SNTG1: variants seen among roughly 807,000 people sequenced by gnomAD.
The protein encoded by SNTG1 is syntrophin gamma 1.
In SNTG1, 39 loss-of-function variants were observed where a neutral mutation model predicts 74.7. The observed-to-expected ratio is 0.52, with a 90% CI of 0.40 to 0.68. The LOEUF is 0.68. Ranked by LOEUF, SNTG1 falls within the 30% of genes least tolerant of loss-of-function variation. The pLI is 0.00. For synonymous variants in SNTG1, 254 were observed against 217.1 expected (o/e 1.17, Z -1.49); for missense variants, 685 against 609.5 (o/e 1.12, Z -1.30).
chr8:50,424,447 T>C (rs1366032298), intron 4 of SNTG1, among the ~76,000 whole-genome samples: 2 of 152,216 alleles, frequency 1.3e-5, no homozygotes, highest in Non-Finnish European at 2.9e-5. Context: ...ATCATTTTTA[T>C]ACCATGCATG....
chr8:50,343,208 C>A (rs182942904), intron 2 of SNTG1, among the ~76,000 whole-genome samples: 1 of 152,128 alleles, frequency 6.6e-6, no homozygotes, highest in Non-Finnish European at 1.5e-5. Flanking sequence ...AGCTTTCAAA[C>A]CCACACTAAA....
intron 17 of SNTG1, among the ~76,000 whole-genome samples, chr8:50,718,792 G>T (rs1397527321): frequency 1.3e-5 from 2 of 152,158 alleles, no homozygotes; most frequent in Non-Finnish European, 2.9e-5. Context: ...TAAATGTGAA[G>T]AATAGTGTGG....
chr8:50,743,541 T>C (rs1271148456), intron 17 of SNTG1, among the ~76,000 whole-genome samples: 1 of 151,522 alleles, frequency 6.6e-6, no homozygotes, highest in Non-Finnish European at 1.5e-5. Context: ...TTATATCCAA[T>C]GCTGAAAGAC....
chr8:50,482,594 C>T (rs1029587382), intron 8 of SNTG1, among the ~76,000 whole-genome samples: 3 of 152,126 alleles, frequency 2.0e-5, no homozygotes, highest in Non-Finnish European at 4.4e-5. Flanking sequence ...AAATAGCCTA[C>T]AGATTATAAA....
chr8:50,627,061 G>A (rs1031542200), intron 13 of SNTG1, among the ~76,000 whole-genome samples: 1 of 151,948 alleles, frequency 6.6e-6, no homozygotes, highest in East Asian at 1.9e-4. Flanking sequence ...ATTTTAAAGT[G>A]GCTTTCTTAG....
At chr8:50,332,941 C>A (rs946436152) in intron 2 of SNTG1, among the ~76,000 whole-genome samples, 1 of 152,172 alleles carries the variant, frequency 6.6e-6, no homozygotes, top group Non-Finnish European at 1.5e-5. Flanking sequence ...ACGTTTATTT[C>A]TTCTTTGTTC....
chr8:50,180,970 G>C (rs777533730), intron 2 of SNTG1, among the ~76,000 whole-genome samples: 1 of 151,880 alleles, frequency 6.6e-6, no homozygotes, highest in Non-Finnish European at 1.5e-5. Context: ...CACCATGTTG[G>C]CCAGTCTGGT....
intron 11 of SNTG1, among the ~76,000 whole-genome samples, chr8:50,542,456 C>T (rs2094355623): frequency 6.6e-6 from 1 of 152,042 alleles, no homozygotes; most frequent in East Asian, 1.9e-4. Flanking sequence ...CGCACCTGGC[C>T]AAATGTATAC....
intron 1 of SNTG1, among the ~76,000 whole-genome samples, chr8:49,945,297 C>T (rs953200240): frequency 2.0e-5 from 3 of 152,128 alleles, no homozygotes; most frequent in Non-Finnish European, 2.9e-5. Flanking sequence ...TACAGGATTG[C>T]CCTCCTTGCA....
intron 1 of SNTG1, among the ~76,000 whole-genome samples, chr8:50,143,847 TTGGAA>T (rs1182435913): frequency 6.6e-6 from 1 of 152,190 alleles, no homozygotes; most frequent in Non-Finnish European, 1.5e-5. Context: ...AGGTCAAAAC[TTGGAA>T]TACAGCTACA....
At chr8:50,547,064 T>C (rs569252921) in intron 11 of SNTG1, among the ~76,000 whole-genome samples, 9 of 152,268 alleles carry the variant, frequency 5.9e-5, no homozygotes, top group Non-Finnish European at 1.3e-4. Context: ...ATTACAGGCA[T>C]GAGCCACCAT....
At chr8:50,137,695 A>G (rs759534523) in intron 1 of SNTG1, among the ~76,000 whole-genome samples, 1 of 152,172 alleles carries the variant, frequency 6.6e-6, no homozygotes, top group Non-Finnish European at 1.5e-5. Flanking sequence ...AGGAAGTGAC[A>G]TGGAGTAAAC....
intron 1 of SNTG1, among the ~76,000 whole-genome samples, chr8:49,958,074 G>T (rs1439522707): frequency 6.6e-6 from 1 of 152,190 alleles, no homozygotes; most frequent in African/African-American, 2.4e-5. Context: ...TAACTCTTCA[G>T]TGTTGGTAAG....
chr8:50,630,025 T>A (rs1334243950), intron 13 of SNTG1, among the ~76,000 whole-genome samples: 1 of 152,220 alleles, frequency 6.6e-6, no homozygotes, highest in African/African-American at 2.4e-5. Flanking sequence ...ATTTTTAACA[T>A]CTGGATAGTT....
At chr8:50,014,372 C>T (rs781569103) in intron 1 of SNTG1, among the ~76,000 whole-genome samples, 24 of 152,060 alleles carry the variant, frequency 1.6e-4, no homozygotes, top group Non-Finnish European at 2.5e-4. Flanking sequence ...CTGCTGATAA[C>T]ATTTTAGTCA....
chr8:50,553,729 T>A (rs1438195321), intron 12 of SNTG1, among the ~76,000 whole-genome samples: 1 of 152,190 alleles, frequency 6.6e-6, no homozygotes, highest in Admixed American at 6.5e-5. Context: ...CTCTTTATTG[T>A]AGCTATCTTC....
intron 1 of SNTG1, among the ~76,000 whole-genome samples, chr8:50,106,937 A>C (rs889548032): frequency 6.6e-6 from 1 of 152,140 alleles, no homozygotes; most frequent in African/African-American, 2.4e-5. Flanking sequence ...TTTGGAGACA[A>C]ACAGAGCTGA....
intron 13 of SNTG1, among the ~76,000 whole-genome samples, chr8:50,621,625 A>C (rs1046756331): frequency 2.0e-5 from 3 of 152,186 alleles, no homozygotes; most frequent in Admixed American, 6.5e-5. Flanking sequence ...GAAACTATTG[A>C]TTTGTAATTC....
At chr8:50,213,945 T>G (rs1311986415) in intron 2 of SNTG1, among the ~76,000 whole-genome samples, 1 of 152,006 alleles carries the variant, frequency 6.6e-6, no homozygotes, top group Non-Finnish European at 1.5e-5. Flanking sequence ...TAGATCCCAT[T>G]TGTCAATTTT....
Sources: allele counts gnomAD v4.1 joint callset (sites outside exome capture counted in the v4.1 genomes callset), GRCh38; gene constraint gnomAD v4.1.1; transcripts MANE v1.5; gene names NCBI Gene and HGNC (gene_info 2026-07-23, HGNC 2026-07-21).